Variants in CACNB1 observed in about 807,000 individuals in gnomAD.
CACNB1 encodes the protein calcium voltage-gated channel auxiliary subunit beta 1, also known as voltage-dependent L-type calcium channel subunit beta-1.
In CACNB1, 29 loss-of-function variants were observed where a neutral mutation model predicts 71.6. The ratio of observed to expected loss-of-function variants is 0.40; its 90% CI spans 0.30 to 0.55. CACNB1 has a LOEUF of 0.55. Among genes scored for constraint, CACNB1 ranks in the 20% least tolerant of loss-of-function variants. The pLI is 0.38. For missense variants in CACNB1, 623 were observed against 801.8 expected, an observed-to-expected ratio of 0.78 and a Z score of 2.69; for synonymous variants, 300 against 319.6, an observed-to-expected ratio of 0.94 and a Z score of 0.65.
intron 13 of CACNB1, among the ~76,000 whole-genome samples, chr17:39,176,863 C>T (rs1054282966): frequency 6.6e-6 from 1 of 152,118 alleles, no homozygotes; most frequent in Non-Finnish European, 1.5e-5. Flanking sequence ...CTTGAGGGGC[C>T]TTGTGGAGTC....
In CACNB1 at chr17:39,174,960, G is replaced by T. The variant is rs540300859; in HGVS notation, c.*233C>A. ...TGGGAGAAAGGGGACACTTCAGAAAGGTGGGTATCCCCCATCCATCCACAA... is the reference window on the plus strand; with the variant it reads ...TGGGAGAAAGGGGACACTTCAGAAATGTGGGTATCCCCCATCCATCCACAA... On this transcript the variant is annotated 3_prime_UTR_variant, in exon 14 of 14. Transcript: ENST00000394303. The T allele has an allele frequency of 1.8e-5, 10 of 559,756 alleles. No individual in the cohort carries two copies. Among genetic ancestry groups the T allele is most frequent in the African/African-American group, 1.7e-4 (9 of 53,106 alleles). The allele number at this position is 559,756 out of a possible 1,614,324, so 34.7% of individuals were successfully genotyped here. A position where few individuals can be genotyped will look rare whatever the true frequency, so the allele number is the denominator to read the frequency against.
chr17:39,179,411 AC>A (rs1262141539), intron 11 of CACNB1, among the ~76,000 whole-genome samples: 1 of 151,600 alleles, frequency 6.6e-6, no homozygotes, highest in Admixed American at 6.6e-5. Flanking sequence ...ACATAGTGAA[AC>A]CCCGTCTCTA....
chr17:39,195,088 C>T (rs1004180984), intron 1 of CACNB1, 118 bp from the exon 2 acceptor site: 5 of 660,160 alleles, frequency 7.6e-6, no homozygotes, highest in Admixed American at 5.4e-5. Flanking sequence ...CCCACCTCCA[C>T]CCCCCTGCAC....
Position 39,186,510 on chromosome 17 carries a change from G to A in CACNB1, c.614C>T (p.Thr205Ile), listed in dbSNP as rs915922233. Residue 205 changes from threonine (T) to isoleucine (I), a missense_variant, in exon 6 of 14, where the codon ACA (threonine) becomes ATA (isoleucine). Coordinates refer to ENST00000394303, the MANE Select transcript of CACNB1 (RefSeq NM_000723.5). This position sits in a 1 kb window ranked among gnomAD's most constrained non-coding sequence, Gnocchi z 4.1. The stretch of plus-strand genomic sequence containing the variant: ...ATGGCTCTTACCACTGGCAGGGGGT[G>A]TGGGGCGGCGGGTGCCAGTCACCAC... ...GDVVTGTRRP[T>I]PPASAKQKQK... is the part of the protein sequence containing the mutation. 11 of 1,613,110 alleles carry A rather than the reference G, an allele frequency of 6.8e-6. No homozygotes were observed. Among genetic ancestry groups the A allele is most frequent in the Non-Finnish European group, 8.5e-6 (10 of 1,179,476 alleles).
chr17:39,186,955 GA>G lies in CACNB1; in HGVS notation c.415-27del. 1 of 1,611,716 alleles carries G rather than the reference GA, an allele frequency of 6.2e-7. No individual in the cohort carries two copies. Among genetic ancestry groups the G allele is most frequent in the Non-Finnish European group, 8.5e-7 (1 of 1,178,088 alleles). The stretch of plus-strand genomic sequence containing the variant: ...CTGCAAAGAATATGGCAGGTGGGTG[GA>G]AAGAGCAAGAGGGAAACTGCAGGGG... On this transcript the variant is annotated intron_variant, in intron 4 of 13. Transcript: ENST00000394303. This position sits in a 1 kb window ranked among gnomAD's most constrained non-coding sequence, Gnocchi z 4.1.
intron 3 of CACNB1, among the ~76,000 whole-genome samples, chr17:39,188,225 G>A (rs2045986765): frequency 6.6e-6 from 1 of 152,070 alleles, no homozygotes. Context: ...AGAAGTTGCA[G>A]TGAGCCAAGA....
At position 39,175,080 on chromosome 17, in the gene CACNB1, G is replaced by T. The variant is rs2045541244; in HGVS notation, c.*113C>A. The T allele has an allele frequency of 9.0e-6, 8 of 886,292 alleles. No individual in the cohort carries two copies. Among genetic ancestry groups the T allele is most frequent in the Non-Finnish European group, 1.2e-5 (7 of 566,546 alleles). 54.9% of individuals were successfully genotyped at this position (886,292 alleles called of 1,614,324 possible). A position where few individuals can be genotyped will look rare whatever the true frequency, so the allele number is the denominator to read the frequency against. On this transcript the variant is annotated 3_prime_UTR_variant, in exon 14 of 14. Coordinates refer to ENST00000394303, the MANE Select transcript of CACNB1 (RefSeq NM_000723.5). The surrounding 1 kb of genome is among the most constrained non-coding windows in gnomAD (Gnocchi z 4.7). ...CCCCAAGCTTTGAGCAAAGGCATCT[G>T]AAAGGAGGGAGACAGCGCCCCCTGG...
intron 11 of CACNB1, among the ~76,000 whole-genome samples, chr17:39,181,377 A>G (rs1427731393): frequency 3.3e-5 from 5 of 152,154 alleles, no homozygotes; most frequent in African/African-American, 1.2e-4. Context: ...TACAGGTGTG[A>G]GCCACCGTGC....
At chr17:39,187,701 A>G (rs1334091224) in intron 3 of CACNB1, 100 bp from the exon 4 acceptor site, 3 of 1,354,792 alleles carry the variant, frequency 2.2e-6, no homozygotes, top group Non-Finnish European at 3.1e-6. Flanking sequence ...TGTTTACTTT[A>G]TAATAGTTCC....
At chr17:39,187,879 G>C (rs894932263) in intron 3 of CACNB1, among the ~76,000 whole-genome samples, 2 of 152,088 alleles carry the variant, frequency 1.3e-5, no homozygotes, top group Non-Finnish European at 2.9e-5. Context: ...CAGGCGTGGT[G>C]GTGGGTGCCT....
chr17:39,177,126 C>T (rs2045598892), intron 13 of CACNB1: 5 of 1,428,982 alleles, frequency 3.5e-6, no homozygotes, highest in Non-Finnish European at 4.6e-6. Flanking sequence ...AAACCACAGA[C>T]ACCAGAAGCT....
At chr17:39,184,434 A>T in intron 8 of CACNB1, 51 bp from the exon 9 acceptor site, 1 of 1,015,494 alleles carries the variant, frequency 9.8e-7, no homozygotes, top group Non-Finnish European at 1.5e-6. Context: ...AGGCATTTAA[A>T]GCCGCTCAGA....
At chr17:39,177,562 G>C in intron 12 of CACNB1, 27 bp from the exon 13 acceptor site, 1 of 1,557,154 alleles carries the variant, frequency 6.4e-7, no homozygotes, top group Admixed American at 1.7e-5. Flanking sequence ...AGGGGGCAGG[G>C]CTGGGATGAG....
rs769117201 is a variant in CACNB1 at position 39,185,987 on chromosome 17, G to A, written c.628+509C>T. The stretch of plus-strand genomic sequence containing the variant: ...GGGGATGCGTTTGCCATGGGGTGGC[G>A]GGGTGGTGACACTGCTAACACTAGT... On this transcript the variant is annotated intron_variant, in intron 6 of 13. Transcript: ENST00000394303. 4.3e-6 allele frequency: 7 copies of A among 1,613,330 alleles called. No homozygotes were observed. In the Admixed American group the frequency reaches 6.7e-5, roughly 15 times the overall value.
rs370438039 is a variant in CACNB1 at position 39,184,018 on chromosome 17, G to T, written c.898+13C>A. 5.0e-6 allele frequency: 8 copies of T among 1,596,150 alleles called. No homozygotes were observed. Among genetic ancestry groups the T allele is most frequent in the Middle Eastern group, 1.7e-4 (1 of 6,016 alleles). ...CCAGAAAGGGGGAGTGAAGACAGCAGGAGTAGGCTCACCCAGGCTGGAGCG... is the reference window on the plus strand; with the variant it reads ...CCAGAAAGGGGGAGTGAAGACAGCATGAGTAGGCTCACCCAGGCTGGAGCG... On this transcript the variant is annotated intron_variant, in intron 10 of 13. Coordinates refer to ENST00000394303, the MANE Select transcript of CACNB1 (RefSeq NM_000723.5).
chr17:39,184,224 G>A (rs1233217597), intron 9 of CACNB1, 84 bp from the exon 10 acceptor site: 7 of 1,296,262 alleles, frequency 5.4e-6, no homozygotes, highest in African/African-American at 1.5e-5. Flanking sequence ...CCCGCCTTCT[G>A]TTCCTCAGTC....
chr17:39,184,820 G>C lies in CACNB1; in HGVS notation c.693C>G (p.Pro231=). Residue 231 remains proline (P), a synonymous_variant, in exon 8 of 14, where the codon CCC becomes CCG. Transcript: ENST00000394303. Reference sequence around the variant, plus strand: ...TGAGCGACGGTCCCACCAGGATGATGGGCCTCATGGAAGGCACCACGTCAT... The same window carrying C: ...TGAGCGACGGTCCCACCAGGATGATCGGCCTCATGGAAGGCACCACGTCAT... The part of the protein sequence containing the change: ...PPYDVVPSMR[P]IILVGPSLKG... 1 of 1,612,916 alleles carries C rather than the reference G, an allele frequency of 6.2e-7. No individual in the cohort carries two copies. Among genetic ancestry groups the C allele is most frequent in the Non-Finnish European group, 8.5e-7 (1 of 1,179,140 alleles).
intron 11 of CACNB1, among the ~76,000 whole-genome samples, chr17:39,180,974 A>G (rs944733482): frequency 6.6e-6 from 1 of 152,240 alleles, no homozygotes; most frequent in Non-Finnish European, 1.5e-5. Flanking sequence ...TTCAAAAAAT[A>G]AGATTTTTTT....
intron 7 of CACNB1, 130 bp from the exon 8 acceptor site, chr17:39,184,994 G>T (rs555882549): frequency 3.1e-6 from 3 of 971,648 alleles, no homozygotes; most frequent in African/African-American, 1.6e-5. Flanking sequence ...GGATCAGGGT[G>T]GGGGTGGGGA....
Sources: gnomAD v4.1 joint callset for allele counts (sites outside exome capture counted in the v4.1 genomes callset) on GRCh38, gnomAD v4.1.1 for gene constraint, Gnocchi (gnomAD v3.1) non-coding constraint, MANE v1.5 for transcripts, NCBI Gene and HGNC (gene_info 2026-07-23, HGNC 2026-07-21) for gene names.